SNTG1: variants seen among roughly 807,000 people sequenced by gnomAD.
The protein encoded by SNTG1 is syntrophin gamma 1.
In SNTG1, 39 loss-of-function variants were observed where a neutral mutation model predicts 74.7. That is an observed-to-expected ratio of 0.52 (90% CI 0.40 to 0.68). The LOEUF (loss-of-function observed/expected upper bound fraction) is 0.68, where lower values mean the gene tolerates loss of function less well. Ranked by LOEUF, SNTG1 falls within the 30% of genes least tolerant of loss-of-function variation. The pLI is 0.00. For synonymous variants in SNTG1, 254 were observed against 217.1 expected (o/e 1.17, Z -1.49); for missense variants, 685 against 609.5 (o/e 1.12, Z -1.30).
intron 12 of SNTG1, 131 bp from the exon 13 acceptor site, chr8:50,590,748 G>A: frequency 1.9e-6 from 1 of 530,254 alleles, no homozygotes; most frequent in Non-Finnish European, 3.3e-6. Context: ...TTTTATATGT[G>A]ATGATTTCAG....
chr8:50,738,635 A>C (rs947764233), intron 17 of SNTG1, among the ~76,000 whole-genome samples: 1 of 152,186 alleles, frequency 6.6e-6, no homozygotes, highest in Non-Finnish European at 1.5e-5. Flanking sequence ...AGCTGGAGGC[A>C]TCATGATACC....
chr8:50,120,435 C>T (rs2080958503), intron 1 of SNTG1, among the ~76,000 whole-genome samples: 1 of 139,834 alleles, frequency 7.2e-6, no homozygotes, highest in Non-Finnish European at 1.6e-5. Context: ...CTACTACTAC[C>T]ACCACCACCC....
At chr8:50,278,829 TTTAAC>T (rs1219595613) in intron 2 of SNTG1, among the ~76,000 whole-genome samples, 1 of 93,702 alleles carries the variant, frequency 1.1e-5, no homozygotes, top group Admixed American at 1.2e-4. Context: ...TATTTATACC[TTTAAC>T]TTAACTTAAA....
chr8:50,689,403 T>C (rs1322484298), intron 15 of SNTG1, among the ~76,000 whole-genome samples: 1 of 152,130 alleles, frequency 6.6e-6, no homozygotes, highest in African/African-American at 2.4e-5. Context: ...ATAGCTCTTA[T>C]TTTTTTGAGA....
intron 1 of SNTG1, among the ~76,000 whole-genome samples, chr8:49,938,631 C>CTTTCTTTCTTTCTTTCTTTCTTTCTT (rs1808389778): frequency 1.0e-5 from 1 of 98,648 alleles, no homozygotes; most frequent in Non-Finnish European, 2.1e-5. Flanking sequence ...TTCTTTCTTT[C>CTTTCTTTCTTTCTTTCTTTCTTTCTT]TTTCTTTCTT....
chr8:50,630,878 C>T lies in SNTG1; in HGVS notation c.850-26031C>T, dbSNP rs114085652. ...AAAGGATCCTAGGCTCTCTGCCTAA[C>T]CTTTTGGAATGCCAAAGACTCTCCA... On this transcript the variant is annotated intron_variant, in intron 13 of 18. Coordinates refer to ENST00000642720, the MANE Select transcript of SNTG1 (RefSeq NM_018967.5). Among the ~76,000 whole-genome samples the T allele has an allele frequency of 2.4e-3, 366 of 152,318 alleles. 2 individuals carry two copies. Among genetic ancestry groups the T allele is most frequent in the African/African-American group, 8.1e-3 (336 of 41,590 alleles).
intron 2 of SNTG1, among the ~76,000 whole-genome samples, chr8:50,301,665 A>G (rs2089651690): frequency 2.0e-5 from 3 of 151,930 alleles, no homozygotes; most frequent in South Asian, 4.1e-4. Context: ...GTTTTATATA[A>G]TATATTGTTG....
intron 8 of SNTG1, among the ~76,000 whole-genome samples, chr8:50,487,304 G>C (rs1255981615): frequency 6.6e-6 from 1 of 152,144 alleles, no homozygotes; most frequent in African/African-American, 2.4e-5. Flanking sequence ...TCTAGAATTA[G>C]AAATACCATT....
chr8:50,178,358 C>CT lies in SNTG1; in HGVS notation c.-28+5735dup, dbSNP rs33912042. Among the ~76,000 whole-genome samples the CT allele has an allele frequency of 1.1e-3, 166 of 145,700 alleles. No individual in the cohort carries two copies. In the Middle Eastern group the frequency reaches 0.014, roughly 13 times the overall value. On this transcript the variant is annotated intron_variant, in intron 2 of 18. Transcript: ENST00000642720. The stretch of plus-strand genomic sequence containing the variant: ...TCTTCTTCTGGTCTCTTCCTCCTCT[C>CT]TTTTTTTTTTTTCTGTCACTTTCTG...
chr8:50,125,764 G>A (rs951354344), intron 1 of SNTG1, among the ~76,000 whole-genome samples: 2 of 96,714 alleles, frequency 2.1e-5, no homozygotes, highest in East Asian at 2.6e-4. Context: ...GGTGTGTTAC[G>A]TTGCTGTATT....
intron 2 of SNTG1, among the ~76,000 whole-genome samples, chr8:50,386,150 A>G (rs2131263291): frequency 6.6e-6 from 1 of 152,282 alleles, no homozygotes; most frequent in Admixed American, 6.5e-5. Flanking sequence ...GTTACTGAGC[A>G]AGTCAATTCT....
At chr8:50,032,046 A>T (rs897983977) in intron 1 of SNTG1, among the ~76,000 whole-genome samples, 1 of 152,082 alleles carries the variant, frequency 6.6e-6, no homozygotes, top group African/African-American at 2.4e-5. Flanking sequence ...GAATGTATCC[A>T]TTTTGTCTAG....
chr8:50,171,137 G>C (rs1322005287), intron 1 of SNTG1, among the ~76,000 whole-genome samples: 1 of 152,140 alleles, frequency 6.6e-6, no homozygotes, highest in Non-Finnish European at 1.5e-5. Context: ...ACAGCCAAGA[G>C]GCATTTCAGG....
At chr8:50,002,525 T>C (rs1264457285) in intron 1 of SNTG1, among the ~76,000 whole-genome samples, 1 of 152,164 alleles carries the variant, frequency 6.6e-6, no homozygotes, top group East Asian at 1.9e-4. Context: ...AATTTTAATA[T>C]TTTATTACTT....
intron 18 of SNTG1, among the ~76,000 whole-genome samples, chr8:50,778,487 T>G (rs1336262038): frequency 1.3e-5 from 2 of 152,016 alleles, no homozygotes; most frequent in Non-Finnish European, 2.9e-5. Flanking sequence ...GTTTTTTGGC[T>G]GCATAAATGT....
intron 2 of SNTG1, among the ~76,000 whole-genome samples, chr8:50,275,239 A>G (rs563950839): frequency 6.6e-6 from 1 of 152,156 alleles, no homozygotes; most frequent in Admixed American, 6.5e-5. Flanking sequence ...TCAACACTCT[A>G]ATAGTGTTTG....
chr8:50,367,976 A>G (rs2092162897), intron 2 of SNTG1, among the ~76,000 whole-genome samples: 1 of 152,180 alleles, frequency 6.6e-6, no homozygotes, highest in African/African-American at 2.4e-5. Context: ...TACAGACTAG[A>G]AAAAGCCCGA....
intron 1 of SNTG1, among the ~76,000 whole-genome samples, chr8:50,034,455 A>G (rs1817983169): frequency 6.6e-6 from 1 of 152,182 alleles, no homozygotes; most frequent in African/African-American, 2.4e-5. Context: ...GGCTAATGCC[A>G]GCATTTAAAA....
chr8:50,471,868 A>G (rs2093656604), intron 8 of SNTG1, among the ~76,000 whole-genome samples: 1 of 152,246 alleles, frequency 6.6e-6, no homozygotes, highest in Non-Finnish European at 1.5e-5. Context: ...AAGTTGGCAG[A>G]TTGAAAATTG....
Sources: gnomAD v4.1 joint callset for allele counts (sites outside exome capture counted in the v4.1 genomes callset) on GRCh38, gnomAD v4.1.1 for gene constraint, MANE v1.5 for transcripts, NCBI Gene and HGNC (gene_info 2026-07-23, HGNC 2026-07-21) for gene names.